Variants in ZFP2 observed in about 807,000 individuals in gnomAD.
ZFP2 encodes zinc finger protein ZFP2.
In ZFP2, 33 loss-of-function variants were observed where a neutral mutation model predicts 36.1. That is an observed-to-expected ratio of 0.92 (90% confidence interval 0.69 to 1.22). The LOEUF (loss-of-function observed/expected upper bound fraction) is 1.22, where lower values mean the gene tolerates loss of function less well. Ranked by LOEUF, ZFP2 falls within the 50% of genes most tolerant of loss-of-function variation. The probability of loss-of-function intolerance (pLI) is 0.00; values close to 1 mark genes in which losing one functional copy is unlikely to be tolerated. For synonymous variants in ZFP2, 170 were observed against 178.0 expected, an observed-to-expected ratio of 0.96 and a Z score of 0.36; for missense variants, 522 against 551.4, an observed-to-expected ratio of 0.95 and a Z score of 0.53.
chr5:178,926,839 C>T (rs187475384), intron 4 of ZFP2, among the ~76,000 whole-genome samples: 2 of 152,132 alleles, frequency 1.3e-5, no homozygotes, highest in African/African-American at 2.4e-5. Flanking sequence ...TTTTCATACT[C>T]AGTTTGACAG....
At chr5:178,897,303 TTACATTTGCATTTTGAACAC>T (rs767348776) in intron 1 of ZFP2, among the ~76,000 whole-genome samples, 63 of 152,242 alleles carry the variant, frequency 4.1e-4, no homozygotes, top group African/African-American at 1.4e-3. Context: ...ATAGGATTGT[TTACATTTGCATTTTGAACAC>T]TAATGAATAT....
chr5:178,902,800 G>T (rs1758086883), intron 1 of ZFP2, among the ~76,000 whole-genome samples: 1 of 152,154 alleles, frequency 6.6e-6, no homozygotes, highest in Non-Finnish European at 1.5e-5. Flanking sequence ...ATAAAAGTAT[G>T]TATTTTCCCA....
rs189230940 is a variant in ZFP2 at position 178,907,122 on chromosome 5, G to A, written c.-449-5462G>A. On this transcript the variant is annotated intron_variant, in intron 1 of 4. Transcript: ENST00000361362. ...GAGCGAGCGTGTGGAGAAGTCTGGGGAACTGGACCCTCTTGTGAGGAAAGG... is the reference window on the plus strand; with the variant it reads ...GAGCGAGCGTGTGGAGAAGTCTGGGAAACTGGACCCTCTTGTGAGGAAAGG... Among the ~76,000 whole-genome samples, 14 of 152,160 alleles carry A rather than the reference G, an allele frequency of 9.2e-5. No individual in the cohort carries two copies. The East Asian group carries it at 2.7e-3, about 30-fold the overall frequency.
At chr5:178,923,446 C>A (rs1758603056) in intron 4 of ZFP2, among the ~76,000 whole-genome samples, 1 of 149,728 alleles carries the variant, frequency 6.7e-6, no homozygotes, top group Non-Finnish European at 1.5e-5. Context: ...GAGGTTCATC[C>A]TTGAAGTGGA....
intron 4 of ZFP2, among the ~76,000 whole-genome samples, chr5:178,920,177 C>T (rs899627891): frequency 6.6e-6 from 1 of 152,078 alleles, no homozygotes; most frequent in Non-Finnish European, 1.5e-5. Flanking sequence ...CCCTGAGGTG[C>T]TCTTCATCTT....
At chr5:178,915,456 G>A (rs1758403700) in intron 3 of ZFP2, among the ~76,000 whole-genome samples, 1 of 149,620 alleles carries the variant, frequency 6.7e-6, no homozygotes, top group Non-Finnish European at 1.5e-5. Context: ...TGGGACTACA[G>A]GTGCACACTG....
At chr5:178,896,661 TAAAACAATCATTCA>T (rs780599932) in intron 1 of ZFP2, among the ~76,000 whole-genome samples, 3 of 152,242 alleles carry the variant, frequency 2.0e-5, no homozygotes, top group Non-Finnish European at 4.4e-5. Flanking sequence ...AAATTGAGAT[TAAAACAATCATTCA>T]AAATCTATCT....
chr5:178,911,248 T>G (rs1758292614), intron 1 of ZFP2, among the ~76,000 whole-genome samples: 1 of 152,214 alleles, frequency 6.6e-6, no homozygotes, highest in Admixed American at 6.5e-5. Flanking sequence ...GAGTTCCTAG[T>G]CTTGGATGTG....
At position 178,931,297 on chromosome 5, in the gene ZFP2, T is replaced by G. The variant is rs746561206; in HGVS notation, c.-17T>G. The G allele has an allele frequency of 6.4e-7, 1 of 1,563,754 alleles. No homozygotes were observed. Among genetic ancestry groups the G allele is most frequent in the Admixed American group, 2.0e-5 (1 of 50,316 alleles). ...CCGAAGCCGGGTATTACTGAAGATT[T>G]ATGCCATGGGGTAACAATGGAAAGG... On this transcript the variant is annotated 5_prime_UTR_variant, in exon 5 of 5. Transcript: ENST00000361362.
chr5:178,904,739 GTC>G (rs1434485984), intron 1 of ZFP2, among the ~76,000 whole-genome samples: 2 of 104,132 alleles, frequency 1.9e-5, no homozygotes, highest in Admixed American at 1.6e-4. Context: ...GTCTTGCTCT[GTC>G]TCCCAGGCTG....
In ZFP2 at chr5:178,930,297, C is replaced by CT. The variant is rs1034800435; in HGVS notation, c.-77-931dup. Among the ~76,000 whole-genome samples, 8 of 119,784 alleles carry CT rather than the reference C, an allele frequency of 6.7e-5. 1 individual carries two copies. The highest frequency in any genetic ancestry group is 2.8e-4 in the South Asian group (1 of 3,602). The allele number at this position is 119,784 out of a possible 152,430, so 78.6% of individuals were successfully genotyped here. A position where few individuals can be genotyped will look rare whatever the true frequency, so the allele number is the denominator to read the frequency against. The stretch of plus-strand genomic sequence containing the variant: ...TTTACTTCCTATATCATATTTCTTT[C>CT]TTTTTTTTTCCCTTTCCTTTTTTTT... On this transcript the variant is annotated intron_variant, in intron 4 of 4. Coordinates refer to ENST00000361362, the MANE Select transcript of ZFP2 (RefSeq NM_030613.4).
chr5:178,919,125 C>A (rs1008528644), intron 4 of ZFP2, among the ~76,000 whole-genome samples: 3 of 151,956 alleles, frequency 2.0e-5, no homozygotes, highest in African/African-American at 7.3e-5. Context: ...GAGAATTCTT[C>A]TAGGGCTTTA....
At chr5:178,904,696 C>CTTTTTTTT (rs1195032566) in intron 1 of ZFP2, among the ~76,000 whole-genome samples, 96 of 88,646 alleles carry the variant, frequency 1.1e-3, no homozygotes, top group Non-Finnish European at 1.6e-3. Flanking sequence ...ATTCATTTTG[C>CTTTTTTTT]TTTTTTTTTT....
chr5:178,910,617 C>A, intron 1 of ZFP2: 1 of 419,706 alleles, frequency 2.4e-6, no homozygotes, highest in South Asian at 2.0e-5. Flanking sequence ...GTACTGGTGT[C>A]CCGGCCTCTA....
In ZFP2 at chr5:178,932,719, T is replaced by C. The variant is rs1462491894; in HGVS notation, c.*20T>C. ...ACGTGAGGAATGTTTTCACTGGCCC[T>C]TACCTCATGATTAACTCTTCAGTAA... is the stretch of plus-strand genomic sequence containing the variant. On this transcript the variant is annotated 3_prime_UTR_variant, in exon 5 of 5. Coordinates refer to ENST00000361362, the MANE Select transcript of ZFP2 (RefSeq NM_030613.4). The C allele has an allele frequency of 2.6e-6, 4 of 1,555,130 alleles. No individual in the cohort carries two copies. The highest frequency in any genetic ancestry group is 1.4e-5 in the African/African-American group (1 of 72,706).
intron 1 of ZFP2, among the ~76,000 whole-genome samples, chr5:178,896,488 A>G (rs1442392731): frequency 6.6e-6 from 1 of 152,094 alleles, no homozygotes; most frequent in East Asian, 1.9e-4. Context: ...CCTTTGTGTA[A>G]ACCGGGTCTC....
At chr5:178,903,555 A>C (rs564866678) in intron 1 of ZFP2, among the ~76,000 whole-genome samples, 1 of 152,278 alleles carries the variant, frequency 6.6e-6, no homozygotes, top group Admixed American at 6.5e-5. Context: ...TTCCTTTGCT[A>C]TACGTTGCCA....
chr5:178,896,915 A>T (rs1185797396), intron 1 of ZFP2, among the ~76,000 whole-genome samples: 2 of 152,208 alleles, frequency 1.3e-5, no homozygotes, highest in Non-Finnish European at 2.9e-5. Context: ...ACATTGGAAT[A>T]TGTTGACACC....
intron 4 of ZFP2, among the ~76,000 whole-genome samples, chr5:178,929,399 T>C (rs944366797): frequency 8.5e-5 from 13 of 152,140 alleles, no homozygotes; most frequent in African/African-American, 3.1e-4. Flanking sequence ...CATCTGAGCA[T>C]AGATTGTTAG....
Sources: allele counts gnomAD v4.1 joint callset (sites outside exome capture counted in the v4.1 genomes callset), GRCh38; gene constraint gnomAD v4.1.1; transcripts MANE v1.5; gene names NCBI Gene and HGNC (gene_info 2026-07-23, HGNC 2026-07-21).